Variants in GRIA1 observed in about 807,000 individuals in gnomAD.
The protein encoded by GRIA1 is glutamate ionotropic receptor AMPA type subunit 1, also known as glutamate receptor 1.
In GRIA1, 31 loss-of-function variants were observed where a neutral mutation model predicts 99.2. That is an observed-to-expected ratio of 0.31 (90% CI 0.23 to 0.42). The LOEUF is 0.42. GRIA1 is among the 10% of genes least tolerant of loss of function. The pLI is 1.00. For synonymous variants in GRIA1, 438 were observed against 432.4 expected (o/e 1.01, Z -0.16); for missense variants, 782 against 1,157.5 (o/e 0.68, Z 4.71).
rs78993429 is a variant in GRIA1 at position 153,771,080 on chromosome 5, T to C, written c.2270+665T>C. Among the ~76,000 whole-genome samples the C allele has an allele frequency of 6.5e-3, 994 of 152,312 alleles. 15 individuals carry two copies. The highest frequency in any genetic ancestry group is 0.023 in the African/African-American group (946 of 41,572). On this transcript the variant is annotated intron_variant, in intron 13 of 15. Transcript: ENST00000285900. ...GAGTCCTGTAGACATGGAGTCACAA[T>C]ACCTAGATTTAATTCTGACTGTCTT...
At chr5:153,506,316 G>GGTGTGTGTGTGTGTGTGTGT (rs61220170) in intron 2 of GRIA1, among the ~76,000 whole-genome samples, 119 of 140,410 alleles carry the variant, frequency 8.5e-4, no homozygotes, top group African/African-American at 2.8e-3. Flanking sequence ...TGGCAAGAAG[G>GGTGTGTGTGTGTGTGTGTGT]GTGTGTGTGT....
At chr5:153,532,914 A>G (rs992437689) in intron 2 of GRIA1, among the ~76,000 whole-genome samples, 1 of 152,250 alleles carries the variant, frequency 6.6e-6, no homozygotes, top group Admixed American at 6.5e-5. Context: ...GGACTGAGTC[A>G]AGAAATTTTT....
At chr5:153,726,892 A>C (rs559368977) in intron 11 of GRIA1, among the ~76,000 whole-genome samples, 210 of 152,346 alleles carry the variant, frequency 1.4e-3, no homozygotes, top group Middle Eastern at 3.4e-3. Flanking sequence ...TTTATGAGGC[A>C]AGCATCATCC....
chr5:153,606,063 G>T (rs1408332147), intron 2 of GRIA1, among the ~76,000 whole-genome samples: 1 of 151,986 alleles, frequency 6.6e-6, no homozygotes, highest in African/African-American at 2.4e-5. Context: ...ACTTTTGGTG[G>T]CCTTATGTTT....
At chr5:153,705,448 G>A (rs1041071209) in intron 10 of GRIA1, among the ~76,000 whole-genome samples, 3 of 152,156 alleles carry the variant, frequency 2.0e-5, no homozygotes, top group Non-Finnish European at 4.4e-5. Flanking sequence ...CTTGTAGTAT[G>A]AGGAAGATGC....
intron 2 of GRIA1, among the ~76,000 whole-genome samples, chr5:153,591,816 A>T (rs929116635): frequency 7.2e-5 from 11 of 152,252 alleles, no homozygotes; most frequent in African/African-American, 2.7e-4. Flanking sequence ...CCAGATTATT[A>T]ACTACAAACT....
chr5:153,700,762 A>G (rs565506224), intron 10 of GRIA1, among the ~76,000 whole-genome samples: 16 of 152,348 alleles, frequency 1.1e-4, no homozygotes, highest in African/African-American at 3.8e-4. Flanking sequence ...CCACTGAGGA[A>G]GATGATAAAT....
At chr5:153,494,229 C>A in intron 2 of GRIA1, 164 bp downstream of exon 2, 1 of 660,906 alleles carries the variant, frequency 1.5e-6, no homozygotes, top group South Asian at 2.0e-5. Context: ...GTGATTCCAG[C>A]AGTTGGCATT....
At chr5:153,590,507 TG>T in intron 2 of GRIA1, among the ~76,000 whole-genome samples, 1 of 92 alleles carries the variant, frequency 0.011, no homozygotes, top group African/African-American at 0.022. Context: ...GCTATTGAAA[TG>T]TGTGTGTGTG....
upstream of GRIA1, chr5:153,490,568 G>A: frequency 2.3e-6 from 1 of 431,836 alleles, no homozygotes; most frequent in Non-Finnish European, 4.3e-6. Flanking sequence ...GAGCGAGAGA[G>A]AGCAAGGGAG....
chr5:153,689,866 A>G (rs1383045690), intron 8 of GRIA1, among the ~76,000 whole-genome samples: 3 of 152,208 alleles, frequency 2.0e-5, no homozygotes, highest in African/African-American at 7.2e-5. Context: ...GTCCTTTGGT[A>G]TGAAATTCCC....
chr5:153,554,016 G>A (rs1760391311), intron 2 of GRIA1, among the ~76,000 whole-genome samples: 1 of 152,082 alleles, frequency 6.6e-6, no homozygotes, highest in Non-Finnish European at 1.5e-5. Context: ...TATTGCTCAA[G>A]ATCACATAAT....
chr5:153,564,103 C>T (rs1327903805), intron 2 of GRIA1, among the ~76,000 whole-genome samples: 2 of 152,160 alleles, frequency 1.3e-5, no homozygotes, highest in African/African-American at 4.8e-5. Flanking sequence ...TTGGGCAAGT[C>T]TAGAGTCCCA....
At chr5:153,769,620 G>GACA (rs1484867879) in intron 12 of GRIA1, among the ~76,000 whole-genome samples, 1 of 151,794 alleles carries the variant, frequency 6.6e-6, no homozygotes, top group Non-Finnish European at 1.5e-5. Flanking sequence ...AGCTTTATTA[G>GACA]ACAACAATAT....
At chr5:153,560,727 A>G (rs1311874154) in intron 2 of GRIA1, among the ~76,000 whole-genome samples, 2 of 152,212 alleles carry the variant, frequency 1.3e-5, no homozygotes, top group African/African-American at 2.4e-5. Context: ...TATTAGCAGC[A>G]TGACAACAGA....
At chr5:153,508,553 G>A (rs544227329) in intron 2 of GRIA1, among the ~76,000 whole-genome samples, 1 of 152,262 alleles carries the variant, frequency 6.6e-6, no homozygotes, top group South Asian at 2.1e-4. Flanking sequence ...GAAAGAGACA[G>A]GGTATTTTGT....
At chr5:153,797,859 C>A (rs771721901) in intron 14 of GRIA1, among the ~76,000 whole-genome samples, 3 of 152,198 alleles carry the variant, frequency 2.0e-5, no homozygotes, top group Non-Finnish European at 2.9e-5. Flanking sequence ...AATATGAAGG[C>A]TAGGGAACTG....
chr5:153,764,263 T>C (rs1050038313), intron 11 of GRIA1, among the ~76,000 whole-genome samples, 171 bp from the exon 12 acceptor site: 3 of 152,120 alleles, frequency 2.0e-5, no homozygotes, highest in African/African-American at 7.2e-5. Flanking sequence ...AGGAACAAAA[T>C]ATGGAGTCTC....
At chr5:153,739,856 GGCT>G (rs1179434842) in intron 11 of GRIA1, among the ~76,000 whole-genome samples, 2 of 152,106 alleles carry the variant, frequency 1.3e-5, no homozygotes, top group African/African-American at 4.8e-5. Flanking sequence ...GAGTTTTCAT[GGCT>G]GCTAATTAGA....
Sources: allele counts gnomAD v4.1 joint callset (sites outside exome capture counted in the v4.1 genomes callset), GRCh38; gene constraint gnomAD v4.1.1; transcripts MANE v1.5; gene names NCBI Gene and HGNC (gene_info 2026-07-23, HGNC 2026-07-21).